Variants in COL5A2 observed in about 807,000 individuals in gnomAD.
COL5A2 encodes the protein collagen alpha-2(V) chain.
Under a neutral mutation model 208.2 loss-of-function variants are expected in COL5A2, and 23 were observed. The observed-to-expected ratio is 0.11, with a 90% confidence interval of 0.08 to 0.16. The LOEUF (loss-of-function observed/expected upper bound fraction) is 0.16. Among genes scored for constraint, COL5A2 ranks in the 10% least tolerant of loss-of-function variants. The pLI, the probability that COL5A2 is intolerant of heterozygous loss-of-function variation, is 1.00. For synonymous variants in COL5A2, 625 were observed against 628.5 expected, an observed-to-expected ratio of 0.99 and a Z score of 0.08; for missense variants, 1,590 against 1,956.4, an observed-to-expected ratio of 0.81 and a Z score of 3.53.
At chr2:189,206,675 C>T (rs925655136) in intron 1 of COL5A2, among the ~76,000 whole-genome samples, 1 of 152,030 alleles carries the variant, frequency 6.6e-6, no homozygotes, top group Non-Finnish European at 1.5e-5. Flanking sequence ...CAGTATCTGC[C>T]CAACCTATTC....
At chr2:189,302,699 T>C in the COL5A2 span, among the ~76,000 whole-genome samples, 3 of 152,190 alleles carry the variant, frequency 2.0e-5, no homozygotes, top group Non-Finnish European at 2.9e-5. Context: ...CTGACTAGCA[T>C]GATGAAATCT....
At chr2:189,064,458 T>TA in intron 25 of COL5A2, 99 bp downstream of exon 25, 1 of 849,784 alleles carries the variant, frequency 1.2e-6, no homozygotes, top group South Asian at 1.4e-5. Context: ...TTCTAAACTG[T>TA]AAAAACAAAC....
chr2:189,197,307 G>C (rs1408676255), intron 1 of COL5A2, among the ~76,000 whole-genome samples: 1 of 152,068 alleles, frequency 6.6e-6, no homozygotes, highest in Non-Finnish European at 1.5e-5. Context: ...ATGGGAGAGA[G>C]AGCATTAGGA....
the COL5A2 span, among the ~76,000 whole-genome samples, chr2:189,426,569 C>T: frequency 1.3e-5 from 2 of 152,204 alleles, no homozygotes; most frequent in Admixed American, 6.5e-5. Flanking sequence ...CTCTAACCAC[C>T]TTGGGCACAT....
chr2:189,041,763 A>G, intron 49 of COL5A2, 70 bp from the exon 50 acceptor site: 3 of 990,098 alleles, frequency 3.0e-6, no homozygotes, highest in Non-Finnish European at 4.8e-6. Flanking sequence ...CTCTAATCAA[A>G]GAACTATTTT....
the COL5A2 span, among the ~76,000 whole-genome samples, chr2:189,251,063 C>T: frequency 6.6e-6 from 1 of 152,122 alleles, no homozygotes; most frequent in Non-Finnish European, 1.5e-5. Context: ...CACTATTTCA[C>T]TGGGTTCTTG....
the COL5A2 span, among the ~76,000 whole-genome samples, chr2:189,262,360 C>A: frequency 6.6e-6 from 1 of 152,012 alleles, no homozygotes; most frequent in Non-Finnish European, 1.5e-5. Context: ...GACAGATACA[C>A]ACACATACAT....
chr2:189,384,950 GATA>G, the COL5A2 span, among the ~76,000 whole-genome samples: 3 of 151,976 alleles, frequency 2.0e-5, no homozygotes, highest in East Asian at 1.9e-4. Context: ...CATCATTTAG[GATA>G]ATATTTGCTA....
the COL5A2 span, among the ~76,000 whole-genome samples, chr2:189,434,629 G>A: frequency 6.6e-6 from 1 of 152,250 alleles, no homozygotes; most frequent in African/African-American, 2.4e-5. Flanking sequence ...GGGATGTGAA[G>A]GACCTCTTCA....
chr2:189,098,590 G>A, intron 5 of COL5A2, 137 bp downstream of exon 5: 1 of 711,576 alleles, frequency 1.4e-6, no homozygotes, highest in Non-Finnish European at 2.5e-6. Flanking sequence ...ACTTGAAGAT[G>A]GTTTAAGACA....
At chr2:189,295,513 G>C in the COL5A2 span, among the ~76,000 whole-genome samples, 1 of 152,190 alleles carries the variant, frequency 6.6e-6, no homozygotes, top group Non-Finnish European at 1.5e-5. Context: ...TACTTGGGAG[G>C]CTGAGGCAGG....
intron 1 of COL5A2, among the ~76,000 whole-genome samples, chr2:189,175,951 C>A (rs1215292722): frequency 3.3e-5 from 5 of 152,162 alleles, no homozygotes; most frequent in Non-Finnish European, 4.4e-5. Context: ...TGTATTTCAA[C>A]AGTAATGAGT....
At chr2:189,234,790 C>G in the COL5A2 span, among the ~76,000 whole-genome samples, 31 of 151,794 alleles carry the variant, frequency 2.0e-4, 1 homozygote, top group Admixed American at 1.7e-3. Context: ...GAGACTATTC[C>G]TTACTTCCCA....
intron 52 of COL5A2, 121 bp downstream of exon 52, chr2:189,036,495 C>T (rs573300014): frequency 1.2e-6 from 1 of 801,336 alleles, no homozygotes; most frequent in African/African-American, 1.7e-5. Flanking sequence ...TATATCACTT[C>T]AAAATAAACA....
chr2:189,208,876 G>A (rs1409213410), intron 1 of COL5A2, among the ~76,000 whole-genome samples: 1 of 152,126 alleles, frequency 6.6e-6, no homozygotes, highest in African/African-American at 2.4e-5. Flanking sequence ...CTGGAAGAAT[G>A]GAAGAAAGGA....
chr2:189,053,792 C>T (rs1195581296), intron 37 of COL5A2, 103 bp downstream of exon 37: 5 of 1,080,052 alleles, frequency 4.6e-6, no homozygotes, highest in Non-Finnish European at 6.9e-6. Context: ...TTATACATAA[C>T]CTAAAACCAA....
chr2:189,070,295 C>G (rs1331510850), intron 18 of COL5A2, among the ~76,000 whole-genome samples: 3 of 152,156 alleles, frequency 2.0e-5, no homozygotes, highest in Admixed American at 6.5e-5. Context: ...CCTTAGGAAT[C>G]TCATCAGTAT....
the COL5A2 span, among the ~76,000 whole-genome samples, chr2:189,364,112 A>G: frequency 4.0e-3 from 609 of 152,350 alleles, 6 homozygotes; most frequent in African/African-American, 0.013. Flanking sequence ...TCAGGAACAC[A>G]TGCAATAATG....
chr2:189,097,682 A>C, intron 5 of COL5A2: 1 of 493,272 alleles, frequency 2.0e-6, no homozygotes, highest in South Asian at 1.5e-5. Flanking sequence ...GAGCACAAAA[A>C]CTTACAATTC....
Sources: allele counts gnomAD v4.1 joint callset (sites outside exome capture counted in the v4.1 genomes callset), GRCh38; gene constraint gnomAD v4.1.1; transcripts MANE v1.5; gene names NCBI Gene and HGNC (gene_info 2026-07-23, HGNC 2026-07-21).